TRIM2: variants seen among roughly 807,000 people sequenced by gnomAD.
The protein encoded by TRIM2 is tripartite motif containing 2, also known as tripartite motif-containing protein 2.
Under a neutral mutation model 75.2 loss-of-function variants are expected in TRIM2, and 20 were observed. The ratio of observed to expected loss-of-function variants is 0.27; its 90% CI spans 0.19 to 0.39. The LOEUF (loss-of-function observed/expected upper bound fraction) is 0.39, where lower values mean the gene tolerates loss of function less well. TRIM2 is among the 10% of genes least tolerant of loss of function. TRIM2 has a pLI of 1.00. For synonymous variants in TRIM2, 373 were observed against 388.3 expected (o/e 0.96, Z 0.46); for missense variants, 660 against 990.8 (o/e 0.67, Z 4.48).
intron 1 of TRIM2, among the ~76,000 whole-genome samples, chr4:153,160,265 T>C (rs949437858): frequency 1.3e-5 from 2 of 152,232 alleles, no homozygotes; most frequent in African/African-American, 2.4e-5. Context: ...AGCTGTGTTA[T>C]CTAACACTTT....
chr4:153,332,493 A>T (rs981561604), intron 11 of TRIM2, among the ~76,000 whole-genome samples: 1 of 152,126 alleles, frequency 6.6e-6, no homozygotes, highest in African/African-American at 2.4e-5. Flanking sequence ...AAAAATACAA[A>T]AATTAGCTGG....
intron 1 of TRIM2, among the ~76,000 whole-genome samples, chr4:153,244,265 C>T (rs10003879): frequency 0.43 from 5,471 of 12,760 alleles, 495 homozygotes; most frequent in African/African-American, 0.48. Flanking sequence ...CCTCCTCCTC[C>T]TCCTCCTCCT....
At chr4:153,249,277 T>G (rs945017502) in intron 1 of TRIM2, among the ~76,000 whole-genome samples, 3 of 152,258 alleles carry the variant, frequency 2.0e-5, no homozygotes, top group African/African-American at 7.2e-5. Flanking sequence ...TTCTTCCGCC[T>G]GAGCGCAGCT....
Position 153,295,089 on chromosome 4 carries a change from T to C in TRIM2, c.787-224T>C, listed in dbSNP as rs559756665. Among the ~76,000 whole-genome samples the C allele has an allele frequency of 2.6e-5, 4 of 152,178 alleles. No individual in the cohort carries two copies. The highest frequency in any genetic ancestry group is 4.4e-5 in the Non-Finnish European group (3 of 68,030). On this transcript the variant is annotated intron_variant, in intron 5 of 11. Transcript: ENST00000338700. The surrounding 1 kb of genome is among the most constrained non-coding windows in gnomAD (Gnocchi z 7.2). Reference sequence around the variant, plus strand: ...CAAAACACATGAGCCAAGAAATACATGTGTGGAAGAGAGGGCGAGGCGGAA... The same window carrying C: ...CAAAACACATGAGCCAAGAAATACACGTGTGGAAGAGAGGGCGAGGCGGAA...
chr4:153,182,777 C>T (rs959977326), intron 1 of TRIM2, among the ~76,000 whole-genome samples: 3 of 152,160 alleles, frequency 2.0e-5, no homozygotes, highest in Non-Finnish European at 4.4e-5. Context: ...CCCGTCATTC[C>T]CCTTTTTGTT....
chr4:153,268,511 A>G (rs1227048866), intron 1 of TRIM2, among the ~76,000 whole-genome samples: 1 of 152,134 alleles, frequency 6.6e-6, no homozygotes, highest in Non-Finnish European at 1.5e-5. Flanking sequence ...TAATTTTCTC[A>G]GTTACAGTTT....
chr4:153,311,316 C>T (rs1487860381), intron 6 of TRIM2, among the ~76,000 whole-genome samples: 1 of 152,116 alleles, frequency 6.6e-6, no homozygotes, highest in Non-Finnish European at 1.5e-5. Flanking sequence ...TAAGACACCT[C>T]CTTGACTAGT....
intron 1 of TRIM2, among the ~76,000 whole-genome samples, chr4:153,192,285 CAG>C (rs1023883441): frequency 2.0e-5 from 3 of 152,100 alleles, no homozygotes; most frequent in African/African-American, 7.2e-5. Flanking sequence ...AATCTCTAAA[CAG>C]TGGGGGAGAA....
chr4:153,264,818 C>A (rs56011574), intron 1 of TRIM2, among the ~76,000 whole-genome samples: 5,395 of 152,172 alleles, frequency 0.035, 307 homozygotes, highest in African/African-American at 0.12. Flanking sequence ...ATTATCCTGG[C>A]AAATCTGGGG....
At position 153,293,012 on chromosome 4, in the gene TRIM2, A is replaced by G; in HGVS notation, c.484A>G (p.Thr162Ala). The change falls in exon 4 of 12, where the codon ACT (threonine) becomes GCT (alanine). Residue 162 changes from threonine (T) to alanine (A), a missense_variant. By Grantham distance (58) the Thr-to-Ala change is moderately conservative. Coordinates refer to ENST00000338700, the MANE Select transcript of TRIM2 (RefSeq NM_015271.5). The stretch of plus-strand genomic sequence containing the variant: ...GGAATTTTACTGCCAGTCCTGTGAG[A>G]CTGCCATGTGTCGGGAGTGCACGGA... ...VMEFYCQSCE[T>A]AMCRECTEGE... 1 of 1,612,684 alleles carries G rather than the reference A, an allele frequency of 6.2e-7. No homozygotes were observed. The highest frequency in any genetic ancestry group is 8.5e-7 in the Non-Finnish European group (1 of 1,179,072).
intron 6 of TRIM2, among the ~76,000 whole-genome samples, chr4:153,311,340 T>C (rs564917755): frequency 6.6e-6 from 1 of 152,268 alleles, no homozygotes; most frequent in African/African-American, 2.4e-5. Context: ...AAAGCACTAT[T>C]TTCTCTGTTT....
chr4:153,317,005 T>C (rs1767785453), intron 8 of TRIM2, among the ~76,000 whole-genome samples: 1 of 145,570 alleles, frequency 6.9e-6, no homozygotes, highest in East Asian at 2.2e-4. Flanking sequence ...CTCAGCCTCC[T>C]GAGTAGCTGG....
At chr4:153,222,534 T>C (rs542602668) in intron 1 of TRIM2, 1 of 152,276 alleles carries the variant, frequency 6.6e-6, no homozygotes, top group African/African-American at 2.4e-5. Context: ...GTTTTCATGC[T>C]CTTTGTGCGG....
intron 1 of TRIM2, among the ~76,000 whole-genome samples, chr4:153,239,012 G>C (rs1033311330): frequency 2.0e-5 from 3 of 152,192 alleles, no homozygotes; most frequent in African/African-American, 4.8e-5. Context: ...ATGAGAGGTG[G>C]CTGAGGCCTT....
chr4:153,174,855 C>A (rs915776437), intron 1 of TRIM2, among the ~76,000 whole-genome samples: 17 of 152,178 alleles, frequency 1.1e-4, no homozygotes, highest in Non-Finnish European at 2.4e-4. Context: ...CCTCAGCCAT[C>A]TTTATCAAAT....
At chr4:153,287,881 T>C (rs1028382737) in intron 3 of TRIM2, among the ~76,000 whole-genome samples, 2 of 152,204 alleles carry the variant, frequency 1.3e-5, no homozygotes, top group Non-Finnish European at 2.9e-5. Context: ...GTTTTTTTCA[T>C]GTGGACCCAG....
chr4:153,152,408 GTATATATATATATA>G (rs562242204), upstream of TRIM2: 6 of 50,560 alleles, frequency 1.2e-4, no homozygotes, highest in African/African-American at 2.2e-4. Context: ...ATATATGTGT[GTATATATATATATA>G]TATATATACA....
chr4:153,171,695 T>C (rs1730872771), intron 1 of TRIM2, among the ~76,000 whole-genome samples: 1 of 152,094 alleles, frequency 6.6e-6, no homozygotes, highest in Non-Finnish European at 1.5e-5. Flanking sequence ...TAAAATATGT[T>C]TCTTTTGGAA....
At position 153,298,827 on chromosome 4, in the gene TRIM2, G is replaced by A. The variant is rs1763273464; in HGVS notation, c.1510+2791G>A. 2.0e-5 allele frequency among the ~76,000 whole-genome samples: 3 copies of A among 152,000 alleles called. 1 individual carries two copies. In the South Asian group the frequency reaches 6.2e-4, roughly 32 times the overall value. On this transcript the variant is annotated intron_variant, in intron 6 of 11. Transcript: ENST00000338700. Reference sequence around the variant, plus strand: ...TGGCTCATTGTAGCCTCTACCTCCTGGGCTCAGGTGATCCTCCCACCTCAG... The same window carrying A: ...TGGCTCATTGTAGCCTCTACCTCCTAGGCTCAGGTGATCCTCCCACCTCAG...
Sources: allele counts gnomAD v4.1 joint callset (sites outside exome capture counted in the v4.1 genomes callset), GRCh38; gene constraint gnomAD v4.1.1; non-coding constraint Gnocchi (gnomAD v3.1); transcripts MANE v1.5; gene names NCBI Gene and HGNC (gene_info 2026-07-23, HGNC 2026-07-21).